ADGRG2: variants seen among roughly 807,000 people sequenced by gnomAD.
ADGRG2 encodes adhesion G protein-coupled receptor G2.
In ADGRG2, 26 loss-of-function variants were observed where a neutral mutation model predicts 74.1. The ratio of observed to expected loss-of-function variants is 0.35; its 90% CI spans 0.26 to 0.49. The LOEUF is 0.49. Among genes scored for constraint, ADGRG2 ranks in the 20% least tolerant of loss-of-function variants. The probability of loss-of-function intolerance (pLI) is 0.99; values close to 1 mark genes in which losing one functional copy is unlikely to be tolerated. For missense variants in ADGRG2, 619 were observed against 763.1 expected (o/e 0.81, Z 2.22); for synonymous variants, 296 against 295.2 (o/e 1.00, Z -0.03).
intron 15 of ADGRG2, among the ~76,000 whole-genome samples, chrX:19,014,857 T>G (rs183105460): frequency 1.8e-5 from 2 of 111,830 alleles, no homozygotes; most frequent in Admixed American, 9.5e-5. Flanking sequence ...GGTCTCGAAC[T>G]CCTGACCTCC....
chrX:19,015,743 A>C (rs2060455553), intron 15 of ADGRG2, among the ~76,000 whole-genome samples: 1 of 111,384 alleles, frequency 9.0e-6, no homozygotes, highest in Non-Finnish European at 1.9e-5. Flanking sequence ...AAACGAACAA[A>C]CAACCTTCAC....
intron 3 of ADGRG2, among the ~76,000 whole-genome samples, chrX:19,045,696 A>G (rs1043797515): frequency 1.9e-4 from 21 of 110,056 alleles, no homozygotes; most frequent in African/African-American, 7.0e-4. Flanking sequence ...CCAGGCCGTC[A>G]CTGCCTCATA....
At chrX:19,082,099 AAAAGAAAG>A (rs1158715473) in intron 2 of ADGRG2, among the ~76,000 whole-genome samples, 1 of 103,411 alleles carries the variant, frequency 9.7e-6, no homozygotes, top group Non-Finnish European at 2.0e-5. Flanking sequence ...AAAAAAAAAG[AAAAGAAAG>A]AAAGAAAGAA....
intron 28 of ADGRG2, among the ~76,000 whole-genome samples, chrX:18,991,552 A>G (rs1268163779): frequency 1.8e-5 from 2 of 112,548 alleles, no homozygotes; most frequent in Non-Finnish European, 3.8e-5. Context: ...CAGTCATGGC[A>G]AGAAGAAATC....
chrX:19,069,916 C>T (rs2061625994), intron 2 of ADGRG2, among the ~76,000 whole-genome samples: 1 of 112,598 alleles, frequency 8.9e-6, no homozygotes, highest in African/African-American at 3.2e-5. Context: ...ACTGACCCTC[C>T]ACTGAACTGT....
At chrX:19,038,480 A>T (rs2060988993) in intron 4 of ADGRG2, among the ~76,000 whole-genome samples, 1 of 112,188 alleles carries the variant, frequency 8.9e-6, no homozygotes. Flanking sequence ...ACATTTATTT[A>T]TTTCTTAAAT....
intron 2 of ADGRG2, among the ~76,000 whole-genome samples, chrX:19,073,398 AC>A (rs2061684823): frequency 9.0e-6 from 1 of 111,238 alleles, no homozygotes; most frequent in Non-Finnish European, 1.9e-5. Flanking sequence ...TGAAACGTAG[AC>A]CTTGACACTA....
At chrX:19,044,483 G>C (rs1291401349) in intron 3 of ADGRG2, among the ~76,000 whole-genome samples, 1 of 111,865 alleles carries the variant, frequency 8.9e-6, no homozygotes, top group Non-Finnish European at 1.9e-5. Context: ...CATATTTACA[G>C]GTTCCAGGGA....
chrX:19,060,981 T>C (rs1040760544), intron 3 of ADGRG2, among the ~76,000 whole-genome samples: 5 of 112,029 alleles, frequency 4.5e-5, no homozygotes, highest in Non-Finnish European at 7.5e-5. Context: ...ATCCCTGGTA[T>C]TCCAGGACAA....
chrX:19,016,706 C>T (rs1170140399), intron 15 of ADGRG2, among the ~76,000 whole-genome samples: 1 of 71,873 alleles, frequency 1.4e-5, no homozygotes, highest in Non-Finnish European at 2.5e-5. Flanking sequence ...TCCCCCCACC[C>T]ATCGATGTAT....
At chrX:19,019,543 T>C (rs2060541429) in intron 15 of ADGRG2, 56 bp downstream of exon 15, 2 of 655,563 alleles carry the variant, frequency 3.1e-6, no homozygotes, top group Non-Finnish European at 2.4e-6. Context: ...TTAGCTAGCA[T>C]GGTGATTTTT....
chrX:19,019,835 T>C (rs2060551481), intron 14 of ADGRG2, among the ~76,000 whole-genome samples, 170 bp from the exon 15 acceptor site: 1 of 112,129 alleles, frequency 8.9e-6, no homozygotes, highest in African/African-American at 3.2e-5. Context: ...AATTATATAC[T>C]GTATACATAG....
chrX:19,049,455 T>TTTTTTTTTGTTG (rs1328733136), intron 3 of ADGRG2, among the ~76,000 whole-genome samples: 7 of 91,003 alleles, frequency 7.7e-5, no homozygotes, highest in Non-Finnish European at 1.2e-4. Context: ...TTTTTTTTTT[T>TTTTTTTTTGTTG]TTGTTGTTGT....
intron 1 of ADGRG2, among the ~76,000 whole-genome samples, chrX:19,112,142 G>T (rs2062423784): frequency 9.1e-6 from 1 of 110,453 alleles, no homozygotes; most frequent in Non-Finnish European, 1.9e-5. Context: ...TCCGATAATG[G>T]TTCATTGCAA....
chrX:19,006,317 A>T (rs1233823616), intron 20 of ADGRG2, 52 bp from the exon 21 acceptor site: 2 of 880,006 alleles, frequency 2.3e-6, no homozygotes, highest in Non-Finnish European at 3.3e-6. Flanking sequence ...CTAAAAAAAA[A>T]AAAAGCAAAA....
At chrX:19,094,729 G>A (rs913198905) in intron 1 of ADGRG2, among the ~76,000 whole-genome samples, 3 of 112,399 alleles carry the variant, frequency 2.7e-5, no homozygotes, top group Admixed American at 9.4e-5. Context: ...TGCTTACCAC[G>A]CATTCCAGTG....
intron 1 of ADGRG2, among the ~76,000 whole-genome samples, chrX:19,116,248 T>G (rs2062511578): frequency 9.1e-6 from 1 of 109,300 alleles, no homozygotes; most frequent in African/African-American, 3.3e-5. Flanking sequence ...CAGTGGCTCA[T>G]GCCTGTAATC....
chrX:19,031,137 C>A, intron 8 of ADGRG2, 100 bp from the exon 9 acceptor site: 9 of 567,843 alleles, frequency 1.6e-5, no homozygotes, highest in East Asian at 1.0e-4. Flanking sequence ...CAAATGTGGA[C>A]CAGAAATATT....
At chrX:18,993,642 C>G (rs893865681) in intron 28 of ADGRG2, among the ~76,000 whole-genome samples, 11 of 104,243 alleles carry the variant, frequency 1.1e-4, no homozygotes, top group Non-Finnish European at 1.9e-4. Context: ...GATCATACCA[C>G]TGAACTCCAG....
Sources: gnomAD v4.1 joint callset for allele counts (sites outside exome capture counted in the v4.1 genomes callset) on GRCh38, gnomAD v4.1.1 for gene constraint, MANE v1.5 for transcripts, NCBI Gene and HGNC (gene_info 2026-07-23, HGNC 2026-07-21) for gene names.